CACNA1C: variants seen among roughly 807,000 people sequenced by gnomAD.
CACNA1C encodes voltage-dependent L-type calcium channel subunit alpha-1C.
In CACNA1C, 30 loss-of-function variants were observed where a neutral mutation model predicts 229.0. The observed-to-expected ratio is 0.13, with a 90% CI of 0.10 to 0.18. CACNA1C has a LOEUF of 0.18. Among genes scored for constraint, CACNA1C ranks in the 10% least tolerant of loss-of-function variants. CACNA1C has a pLI of 1.00. For synonymous variants in CACNA1C, 1,114 were observed against 1,132.5 expected (o/e 0.98, Z 0.33); for missense variants, 1,658 against 2,845.0 (o/e 0.58, Z 9.49).
rs2097215343 is a variant in CACNA1C at position 2,191,598 on chromosome 12, ACACACATGCGCTCAGG to A, written c.477+71178_477+71193del. 2.0e-5 allele frequency among the ~76,000 whole-genome samples: 3 copies of A among 152,064 alleles called. No homozygotes were observed. The South Asian group carries it at 6.2e-4, about 32-fold the overall frequency. Reference sequence around the variant, plus strand: ...TACTCAAGCATACACACATGCACTCACACACATGCGCTCAGGCACACATGCACTCACAGGCACACAT... The same window carrying A: ...TACTCAAGCATACACACATGCACTCACACACATGCACTCACAGGCACACAT... On this transcript the variant is annotated intron_variant, in intron 3 of 46. Transcript: ENST00000399655.
chr12:2,284,481 C>T (rs1031763569), intron 3 of CACNA1C, among the ~76,000 whole-genome samples: 3 of 152,082 alleles, frequency 2.0e-5, no homozygotes, highest in African/African-American at 4.8e-5. Flanking sequence ...AGGACCCAGG[C>T]GCAGCACAGA....
intron 3 of CACNA1C, among the ~76,000 whole-genome samples, chr12:2,147,586 G>T (rs1265288888): frequency 6.6e-6 from 1 of 151,276 alleles, no homozygotes; most frequent in East Asian, 1.9e-4. Flanking sequence ...AAAGGTGAGA[G>T]AGTGGAGAGA....
chr12:2,409,195 AAGCACCCTGATGT>A (rs1376314428), intron 3 of CACNA1C, among the ~76,000 whole-genome samples: 1 of 152,200 alleles, frequency 6.6e-6, no homozygotes, highest in African/African-American at 2.4e-5. Context: ...TTCTTGGATG[AAGCACCCTGATGT>A]AGCACCCTGG....
intron 29 of CACNA1C, among the ~76,000 whole-genome samples, chr12:2,624,481 G>A (rs773311345): frequency 6.6e-6 from 1 of 152,206 alleles, no homozygotes; most frequent in South Asian, 2.1e-4. Flanking sequence ...AAATATGACC[G>A]TATCTTGGAT....
At chr12:2,233,373 G>A (rs1267394983) in intron 3 of CACNA1C, among the ~76,000 whole-genome samples, 1 of 152,146 alleles carries the variant, frequency 6.6e-6, no homozygotes, top group African/African-American at 2.4e-5. Context: ...TGTGTGTTGG[G>A]CCTTGTGATA....
rs2094441114 is a variant in CACNA1C, at chr12:2,647,022, C to T, written c.3913-1453C>T. Among the ~76,000 whole-genome samples the T allele has an allele frequency of 6.6e-6, 1 of 152,036 alleles. No homozygotes were observed. Among genetic ancestry groups the T allele is most frequent in the South Asian group, 2.1e-4 (1 of 4,812 alleles). ...TCACCTCACCCTATATCTCCACCAT[C>T]CCCTAAAAGGGCATCCTACCAACTA... On this transcript the variant is annotated intron_variant, in intron 30 of 46. Coordinates refer to ENST00000399655, the MANE Select transcript of CACNA1C (RefSeq NM_000719.7). This position sits in a 1 kb window ranked among gnomAD's most constrained non-coding sequence, Gnocchi z 4.2.
At chr12:2,599,046 T>G (rs1016997219) in intron 21 of CACNA1C, among the ~76,000 whole-genome samples, 11 of 152,154 alleles carry the variant, frequency 7.2e-5, no homozygotes, top group Non-Finnish European at 1.5e-4. Flanking sequence ...CAGAGTTCTT[T>G]CCCAGGACAA....
chr12:2,200,759 TTC>T (rs2097559205), intron 3 of CACNA1C, among the ~76,000 whole-genome samples: 1 of 152,130 alleles, frequency 6.6e-6, no homozygotes, highest in Non-Finnish European at 1.5e-5. Flanking sequence ...GGGGAAAGCT[TTC>T]TGAGAGGTGG....
intron 5 of CACNA1C, among the ~76,000 whole-genome samples, chr12:2,465,722 G>A (rs1250903620): frequency 6.6e-6 from 1 of 152,132 alleles, no homozygotes; most frequent in Non-Finnish European, 1.5e-5. Context: ...AAGTGTCTTG[G>A]AAATCTACAA....
At chr12:2,189,092 C>CAAA (rs57559183) in intron 3 of CACNA1C, among the ~76,000 whole-genome samples, 43 of 34,412 alleles carry the variant, frequency 1.2e-3, no homozygotes, top group African/African-American at 2.6e-3. Flanking sequence ...GACTCCGTCT[C>CAAA]AAAAAAAAAA....
At position 2,601,075 on chromosome 12, in the gene CACNA1C, G is replaced by A. The variant is rs575838329; in HGVS notation, c.2854-779G>A. ...CAGGCCGTCTGGCCTCAGAGCCTGT[G>A]CTCTTAGCCACTGAGCCTCATAGCC... is the stretch of plus-strand genomic sequence containing the variant. On this transcript the variant is annotated intron_variant, in intron 21 of 46. Transcript: ENST00000399655. This position sits in a 1 kb window ranked among gnomAD's most constrained non-coding sequence, Gnocchi z 5.9. Among the ~76,000 whole-genome samples the A allele has an allele frequency of 1.1e-4, 16 of 152,320 alleles. No individual in the cohort carries two copies. The East Asian group carries it at 2.9e-3, about 28-fold the overall frequency.
chr12:2,550,775 A>C, intron 10 of CACNA1C: 1 of 840,786 alleles, frequency 1.2e-6, no homozygotes, highest in Non-Finnish European at 1.7e-6. Flanking sequence ...CCCTTTCACA[A>C]CGCTGAGCTG....
chr12:2,290,574 A>G (rs1008271606), intron 3 of CACNA1C, among the ~76,000 whole-genome samples: 3 of 152,182 alleles, frequency 2.0e-5, no homozygotes, highest in African/African-American at 7.2e-5. Context: ...GAAGATGACC[A>G]CGAGGCTGGG....
At chr12:2,529,966 A>G (rs541374556) in intron 9 of CACNA1C, among the ~76,000 whole-genome samples, 1 of 152,322 alleles carries the variant, frequency 6.6e-6, no homozygotes, top group South Asian at 2.1e-4. Context: ...ACTCCCTTCA[A>G]AGGGGGCAGA....
intron 38 of CACNA1C, among the ~76,000 whole-genome samples, chr12:2,669,338 G>GAA (rs11424036): frequency 3.8e-4 from 58 of 150,982 alleles, no homozygotes; most frequent in Admixed American, 1.5e-3. Flanking sequence ...CTGATGAACT[G>GAA]AAAAAAAAAA....
chr12:2,428,463 G>A (rs1412440994), intron 3 of CACNA1C, among the ~76,000 whole-genome samples: 3 of 152,162 alleles, frequency 2.0e-5, no homozygotes. Flanking sequence ...TCTATTTGGG[G>A]GGCTATTAAT....
chr12:2,653,638 G>A lies in CACNA1C; in HGVS notation c.4075-197G>A, dbSNP rs1038074152. On this transcript the variant is annotated intron_variant, in intron 32 of 46. Transcript: ENST00000399655. This position sits in a 1 kb window ranked among gnomAD's most constrained non-coding sequence, Gnocchi z 4.7. The stretch of plus-strand genomic sequence containing the variant: ...TGCGGCCTGCTTTGAAAACCAAGCT[G>A]AAATGGGAAGTCAGTTCCGGTTTCT... Among the ~76,000 whole-genome samples the A allele has an allele frequency of 9.8e-5, 15 of 152,346 alleles. 1 individual carries two copies. In the South Asian group the frequency reaches 1.4e-3, roughly 15 times the overall value.
At chr12:2,455,444 G>A (rs1328789416) in intron 4 of CACNA1C, among the ~76,000 whole-genome samples, 1 of 152,156 alleles carries the variant, frequency 6.6e-6, no homozygotes, top group African/African-American at 2.4e-5. Flanking sequence ...ATTACATGTT[G>A]AGATGATAAT....
chr12:2,560,324 G>A (rs959618804), intron 11 of CACNA1C, among the ~76,000 whole-genome samples: 1 of 152,212 alleles, frequency 6.6e-6, no homozygotes, highest in African/African-American at 2.4e-5. Flanking sequence ...TGGAATTTGA[G>A]TCTCAAACTG....
Sources: allele counts gnomAD v4.1 joint callset (sites outside exome capture counted in the v4.1 genomes callset), GRCh38; gene constraint gnomAD v4.1.1; non-coding constraint Gnocchi (gnomAD v3.1); transcripts MANE v1.5; gene names NCBI Gene and HGNC (gene_info 2026-07-23, HGNC 2026-07-21).